LMO7: variants seen among roughly 807,000 people sequenced by gnomAD.
The protein encoded by LMO7 is LIM domain only protein 7.
LMO7 carries 120 observed loss-of-function variants against 206.5 expected under a neutral mutation model. The ratio of observed to expected loss-of-function variants is 0.58; its 90% CI spans 0.50 to 0.68. The LOEUF (loss-of-function observed/expected upper bound fraction) is 0.68. LMO7 is among the 30% of genes least tolerant of loss of function. The pLI is 0.00. For synonymous variants in LMO7, 706 were observed against 681.5 expected (o/e 1.04, Z -0.56); for missense variants, 1,959 against 1,957.9 (o/e 1.00, Z -0.01).
intron 1 of LMO7, chr13:75,622,149 C>A: frequency 5.0e-6 from 1 of 198,040 alleles, no homozygotes; most frequent in East Asian, 1.1e-4. Context: ...GCACGGAATA[C>A]ATAGTAATCA....
intron 1 of LMO7, among the ~76,000 whole-genome samples, chr13:75,676,409 C>G (rs2040020786): frequency 6.6e-6 from 1 of 152,156 alleles, no homozygotes; most frequent in Admixed American, 6.6e-5. Flanking sequence ...TACGAGCACT[C>G]CAAGCCGGCT....
At chr13:75,718,496 G>A (rs76775342) in intron 2 of LMO7, among the ~76,000 whole-genome samples, 1 of 152,254 alleles carries the variant, frequency 6.6e-6, no homozygotes, top group Middle Eastern at 3.4e-3. Context: ...TAAAAGAACA[G>A]TTTTGGGTTC....
chr13:75,692,373 T>G (rs2041558557), intron 1 of LMO7, among the ~76,000 whole-genome samples: 1 of 151,930 alleles, frequency 6.6e-6, no homozygotes, highest in Admixed American at 6.6e-5. Flanking sequence ...AGTGCTACGA[T>G]TCCTTAAATA....
At chr13:75,737,366 C>T (rs936185940) in intron 3 of LMO7, among the ~76,000 whole-genome samples, 2 of 151,920 alleles carry the variant, frequency 1.3e-5, no homozygotes, top group Admixed American at 6.6e-5. Flanking sequence ...TGCCTTAAGC[C>T]ACCTGGTTTG....
upstream of LMO7, among the ~76,000 whole-genome samples, chr13:75,632,969 C>T (rs142790538): frequency 8.2e-3 from 1,197 of 145,326 alleles, 14 homozygotes; most frequent in African/African-American, 0.027. Flanking sequence ...TCAAGTGATT[C>T]TCCTGCCTCA....
At chr13:75,768,084 A>G (rs1374764405) in intron 4 of LMO7, among the ~76,000 whole-genome samples, 1 of 152,064 alleles carries the variant, frequency 6.6e-6, no homozygotes, top group African/African-American at 2.4e-5. Context: ...TAAAGTATAT[A>G]GTGCCTGTAT....
chr13:75,780,504 C>G, intron 4 of LMO7, among the ~76,000 whole-genome samples: 1 of 152,196 alleles, frequency 6.6e-6, no homozygotes, highest in African/African-American at 2.4e-5. Context: ...GTTCCCTGAA[C>G]ATCGCTGTTA....
chr13:75,745,578 A>G (rs1434242679), intron 3 of LMO7, among the ~76,000 whole-genome samples: 1 of 152,150 alleles, frequency 6.6e-6, no homozygotes, highest in African/African-American at 2.4e-5. Flanking sequence ...GTGCCCAGAT[A>G]TATTTGTTCA....
At chr13:75,626,595 A>ATATATATATATATATATATTT in intron 2 of LMO7, among the ~76,000 whole-genome samples, 1 of 71,100 alleles carries the variant, frequency 1.4e-5, no homozygotes, top group Non-Finnish European at 3.6e-5. Context: ...ATATATATAA[A>ATATATATATATATATATATTT]TTTTTTTGAG....
chr13:75,821,485 GT>G lies in LMO7; in HGVS notation c.2517del (p.Val840PhefsTer17). On this transcript the variant is annotated frameshift_variant, in exon 14 of 31. Coordinates refer to ENST00000377534, the MANE Select transcript of LMO7 (RefSeq NM_001306080.2). LOFTEE classifies it high-confidence loss of function. ...CGGAGCACACAAATGGAATCAACTC[GT>G]GTTTCAGCTTCTCTCCCCAGAAGTT... The part of the protein sequence containing the change: ...RSRSTQMEST[R>X]VSASLPRSYR... 1 of 1,614,078 alleles carries G rather than the reference GT, an allele frequency of 6.2e-7. No homozygotes were observed. Among genetic ancestry groups the G allele is most frequent in the Non-Finnish European group, 8.5e-7 (1 of 1,179,972 alleles).
chr13:75,647,765 G>A (rs1429494335), intron 1 of LMO7, among the ~76,000 whole-genome samples: 1 of 152,004 alleles, frequency 6.6e-6, no homozygotes, highest in Admixed American at 6.5e-5. Flanking sequence ...AACATCAGAG[G>A]CCCATCTCAT....
At chr13:75,713,931 A>C (rs944938155) in intron 2 of LMO7, among the ~76,000 whole-genome samples, 5 of 152,240 alleles carry the variant, frequency 3.3e-5, no homozygotes, top group African/African-American at 1.2e-4. Flanking sequence ...CCTGTGAGGC[A>C]TAAGGATGAA....
rs116719201 is a variant in LMO7, at chr13:75,742,800, G to A, written c.210+15702G>A. On this transcript the variant is annotated intron_variant, in intron 3 of 30. Transcript: ENST00000377534. Reference sequence around the variant, plus strand: ...AGACAACCTAGGCAATAACATTCTGGACATAGGCATGGGCAAAAACTTCAT... The same window carrying A: ...AGACAACCTAGGCAATAACATTCTGAACATAGGCATGGGCAAAAACTTCAT... Among the ~76,000 whole-genome samples, 845 of 152,270 alleles carry A rather than the reference G, an allele frequency of 5.5e-3. 7 individuals carry two copies. Among genetic ancestry groups the A allele is most frequent in the African/African-American group, 0.018 (767 of 41,540 alleles).
chr13:75,767,124 T>A (rs1264785598), intron 4 of LMO7, among the ~76,000 whole-genome samples: 1 of 152,124 alleles, frequency 6.6e-6, no homozygotes, highest in African/African-American at 2.4e-5. Context: ...AATGGGAGCT[T>A]TGGACTATGT....
chr13:75,857,276 G>A (rs1206715527), intron 30 of LMO7: 1 of 152,232 alleles, frequency 6.6e-6, no homozygotes, highest in African/African-American at 2.4e-5. Flanking sequence ...AGCAAGACAA[G>A]TATTACTGCT....
chr13:75,806,401 C>T (rs1466313124), intron 9 of LMO7: 2 of 206,106 alleles, frequency 9.7e-6, no homozygotes, highest in Non-Finnish European at 1.7e-5. Flanking sequence ...AGTACAAAAG[C>T]GTAATGTATA....
intron 1 of LMO7, among the ~76,000 whole-genome samples, chr13:75,669,849 CTT>C (rs1323523826): frequency 6.6e-6 from 1 of 152,142 alleles, no homozygotes; most frequent in South Asian, 2.1e-4. Context: ...ATTGTAAAGA[CTT>C]AATGTGGCTC....
At chr13:75,701,931 A>G (rs551751664) in intron 1 of LMO7, among the ~76,000 whole-genome samples, 4 of 152,130 alleles carry the variant, frequency 2.6e-5, no homozygotes, top group South Asian at 2.1e-4. Flanking sequence ...CCTGGAACCA[A>G]TCTTCCTTCA....
In LMO7 at chr13:75,796,179, C is replaced by T. The variant is rs866664520; in HGVS notation, c.349-457C>T. 4.6e-5 allele frequency among the ~76,000 whole-genome samples: 7 copies of T among 152,196 alleles called. 1 individual carries two copies. The South Asian group carries it at 8.3e-4, about 18-fold the overall frequency. On this transcript the variant is annotated intron_variant, in intron 5 of 30. Transcript: ENST00000377534. ...TCTGGGTAATTCATCAATGTAGACT[C>T]ATATGTCTTACAATATTTTATGGAA...
Sources: allele counts gnomAD v4.1 joint callset (sites outside exome capture counted in the v4.1 genomes callset), GRCh38; gene constraint gnomAD v4.1.1; transcripts MANE v1.5; gene names NCBI Gene and HGNC (gene_info 2026-07-23, HGNC 2026-07-21).